SLC4A4: variants seen among roughly 807,000 people sequenced by gnomAD.
SLC4A4 encodes the protein electrogenic sodium bicarbonate cotransporter 1.
In SLC4A4, 27 loss-of-function variants were observed where a neutral mutation model predicts 111.5. That is an observed-to-expected ratio of 0.24 (90% confidence interval 0.18 to 0.33). The LOEUF (loss-of-function observed/expected upper bound fraction) is 0.33, where lower values mean the gene tolerates loss of function less well. Ranked by LOEUF, SLC4A4 falls within the 10% of genes least tolerant of loss-of-function variation. The pLI is 1.00. For missense variants in SLC4A4, 909 were observed against 1,315.5 expected, an observed-to-expected ratio of 0.69 and a Z score of 4.78; for synonymous variants, 443 against 463.4, an observed-to-expected ratio of 0.96 and a Z score of 0.57.
chr4:71,129,784 CAAAA>C (rs35737857), intron 2 of SLC4A4, among the ~76,000 whole-genome samples: 45 of 75,570 alleles, frequency 6.0e-4, no homozygotes, highest in South Asian at 1.9e-3. Context: ...TACCATGCAC[CAAAA>C]AAAAAAAAAA....
chr4:71,185,672 CT>C (rs1275845186), upstream of SLC4A4, among the ~76,000 whole-genome samples: 1 of 152,196 alleles, frequency 6.6e-6, no homozygotes, highest in African/African-American at 2.4e-5. Flanking sequence ...TCCATACCTG[CT>C]TTCCAAGCAC....
At chr4:71,540,809 A>G (rs1055629809) in intron 18 of SLC4A4, among the ~76,000 whole-genome samples, 4 of 152,252 alleles carry the variant, frequency 2.6e-5, no homozygotes, top group Middle Eastern at 3.4e-3. Flanking sequence ...TTTCCTATCC[A>G]AAGATATGAG....
chr4:71,072,346 G>A (rs1203166426), intron 1 of SLC4A4, among the ~76,000 whole-genome samples: 1 of 151,998 alleles, frequency 6.6e-6, no homozygotes, highest in African/African-American at 2.4e-5. Context: ...TCCTCCACTG[G>A]TGTGCAAAGC....
intron 3 of SLC4A4, among the ~76,000 whole-genome samples, chr4:71,285,309 T>TA (rs1193446798): frequency 6.6e-6 from 1 of 152,196 alleles, no homozygotes; most frequent in Non-Finnish European, 1.5e-5. Context: ...TGACTCTCGG[T>TA]AACCTCTTAG....
At chr4:71,395,520 CT>C (rs1166761152) in intron 6 of SLC4A4, among the ~76,000 whole-genome samples, 2 of 152,126 alleles carry the variant, frequency 1.3e-5, no homozygotes, top group Non-Finnish European at 2.9e-5. Flanking sequence ...GATAGCCATA[CT>C]ATCACTGTCT....
intron 2 of SLC4A4, among the ~76,000 whole-genome samples, chr4:71,163,041 G>T (rs531881170): frequency 4.6e-5 from 7 of 152,316 alleles, no homozygotes; most frequent in Non-Finnish European, 7.4e-5. Flanking sequence ...AGAAAGGAAA[G>T]AACTTTTTAG....
chr4:71,111,839 G>A (rs1194554309), intron 2 of SLC4A4, among the ~76,000 whole-genome samples: 2 of 151,434 alleles, frequency 1.3e-5, no homozygotes, highest in Non-Finnish European at 2.9e-5. Flanking sequence ...TGGGATCACA[G>A]GCACGTGCCA....
At chr4:71,171,153 T>A (rs1744922553) in intron 2 of SLC4A4, among the ~76,000 whole-genome samples, 1 of 151,208 alleles carries the variant, frequency 6.6e-6, no homozygotes, top group South Asian at 2.1e-4. Flanking sequence ...AATTTTTGTT[T>A]GTTTTGTTTT....
intron 1 of SLC4A4, among the ~76,000 whole-genome samples, chr4:71,212,313 AG>A (rs1393787805): frequency 6.6e-6 from 1 of 152,164 alleles, no homozygotes; most frequent in African/African-American, 2.4e-5. Flanking sequence ...ATTCGGGGTT[AG>A]TTTTAATGTA....
intron 6 of SLC4A4, among the ~76,000 whole-genome samples, chr4:71,382,625 C>T (rs1429070428): frequency 6.6e-6 from 1 of 152,130 alleles, no homozygotes; most frequent in Admixed American, 6.5e-5. Context: ...TGGCAGGCTT[C>T]CTGTCACTCA....
intron 2 of SLC4A4, among the ~76,000 whole-genome samples, chr4:71,121,159 C>T (rs1743410199): frequency 6.6e-6 from 1 of 152,188 alleles, no homozygotes; most frequent in South Asian, 2.1e-4. Flanking sequence ...CAGCTGCCTC[C>T]CCACAGGGAG....
At chr4:71,437,076 A>T in intron 7 of SLC4A4, 1 of 423,686 alleles carries the variant, frequency 2.4e-6, no homozygotes, top group South Asian at 1.9e-5. Context: ...AGCCACAGGC[A>T]ATCACTTCTT....
intron 2 of SLC4A4, among the ~76,000 whole-genome samples, chr4:71,146,762 T>C (rs1300587105): frequency 6.6e-6 from 1 of 152,142 alleles, no homozygotes; most frequent in Non-Finnish European, 1.5e-5. Flanking sequence ...AAGGAACAAC[T>C]GGTACCAGCC....
intron 6 of SLC4A4, among the ~76,000 whole-genome samples, chr4:71,377,724 C>A (rs1732538543): frequency 6.6e-6 from 1 of 152,150 alleles, no homozygotes; most frequent in South Asian, 2.1e-4. Context: ...GTCACCGTAG[C>A]AGTAAGCAAG....
chr4:71,273,739 A>G (rs996292166), intron 3 of SLC4A4, among the ~76,000 whole-genome samples: 2 of 151,194 alleles, frequency 1.3e-5, no homozygotes, highest in African/African-American at 4.9e-5. Flanking sequence ...ATAGATAAGT[A>G]GTTGAGAAGT....
At chr4:71,098,133 T>C (rs893201859) in intron 2 of SLC4A4, among the ~76,000 whole-genome samples, 1 of 152,230 alleles carries the variant, frequency 6.6e-6, no homozygotes, top group African/African-American at 2.4e-5. Context: ...ACCTAGGTTG[T>C]CTTCCAGAGT....
chr4:71,189,947 A>T (rs1286076170), intron 1 of SLC4A4, among the ~76,000 whole-genome samples: 1 of 152,214 alleles, frequency 6.6e-6, no homozygotes, highest in Non-Finnish European at 1.5e-5. Context: ...TAAATGAAGG[A>T]ATCAGAATGC....
At chr4:71,225,301 G>C (rs1718977448) in intron 1 of SLC4A4, among the ~76,000 whole-genome samples, 2 of 151,652 alleles carry the variant, frequency 1.3e-5, no homozygotes, top group Non-Finnish European at 2.9e-5. Flanking sequence ...GCGGTGAGCT[G>C]AGATCGTACC....
chr4:71,263,067 T>G (rs897446512), intron 3 of SLC4A4, among the ~76,000 whole-genome samples: 5 of 139,170 alleles, frequency 3.6e-5, no homozygotes, highest in Non-Finnish European at 6.1e-5. Flanking sequence ...CATGTGTCCA[T>G]GTGTTCTCGT....
Sources: gnomAD v4.1 joint callset for allele counts (sites outside exome capture counted in the v4.1 genomes callset) on GRCh38, gnomAD v4.1.1 for gene constraint, MANE v1.5 for transcripts, NCBI Gene and HGNC (gene_info 2026-07-23, HGNC 2026-07-21) for gene names.